The following LTBP1 variants were observed in gnomAD, a reference collection of about 807,000 sequenced individuals.
LTBP1 encodes latent-transforming growth factor beta-binding protein 1.
A neutral mutation model predicts 207.6 loss-of-function variants in LTBP1; 129 were observed. The observed-to-expected ratio is 0.62, with a 90% CI of 0.54 to 0.72. LTBP1 has a LOEUF of 0.72. Ranked by LOEUF, LTBP1 falls within the 30% of genes least tolerant of loss-of-function variation. The probability of loss-of-function intolerance (pLI) is 0.00; values close to 1 mark genes in which losing one functional copy is unlikely to be tolerated. For missense variants in LTBP1, 2,281 were observed against 2,217.2 expected (o/e 1.03, Z -0.58); for synonymous variants, 963 against 833.7 (o/e 1.16, Z -2.67).
chr2:33,295,230 T>C (rs938049955), intron 20 of LTBP1, among the ~76,000 whole-genome samples: 1 of 152,138 alleles, frequency 6.6e-6, no homozygotes, highest in Non-Finnish European at 1.5e-5. Context: ...ACGAACTCTT[T>C]ATATATGTAA....
intron 18 of LTBP1, among the ~76,000 whole-genome samples, chr2:33,278,318 C>G (rs3769542): frequency 0.4 from 61,452 of 152,012 alleles, 13,353 homozygotes; most frequent in Admixed American, 0.47. Context: ...AGCGTTCCCT[C>G]AGTAAATAAT....
Position 33,365,392 on chromosome 2 carries a change from T to C in LTBP1, c.4600T>C (p.Tyr1534His). The C allele has an allele frequency of 6.2e-7, 1 of 1,614,210 alleles. No homozygotes were observed. The highest frequency in any genetic ancestry group is 8.5e-7 in the Non-Finnish European group (1 of 1,180,028). The change falls in exon 31 of 34, where the codon TAC (tyrosine) becomes CAC (histidine). Residue 1534 changes from tyrosine to histidine, a missense_variant. Coordinates refer to ENST00000404816, the MANE Select transcript of LTBP1 (RefSeq NM_206943.4). ...DLCWEHLSDE[Y>H]VCSRPLVGKQ... is the part of the protein sequence containing the mutation. ...GTGCTGGGAACATCTGAGTGATGAATACGTGTGTAGCCGGCCTCTTGTGGG... is the reference window on the plus strand; with the variant it reads ...GTGCTGGGAACATCTGAGTGATGAACACGTGTGTAGCCGGCCTCTTGTGGG...
At chr2:33,227,738 A>T (rs766895762) in intron 9 of LTBP1, among the ~76,000 whole-genome samples, 1 of 150,780 alleles carries the variant, frequency 6.6e-6, no homozygotes, top group Non-Finnish European at 1.5e-5. Context: ...CCCAATTTTT[A>T]AAAAATAGAT....
chr2:33,389,440 T>G, intron 32 of LTBP1, 134 bp downstream of exon 32: 2 of 1,222,108 alleles, frequency 1.6e-6, no homozygotes, highest in Non-Finnish European at 2.3e-6. Context: ...TCAGAAAGTC[T>G]AGGGTGGGAC....
chr2:33,007,992 A>G (rs1251516110), intron 2 of LTBP1, among the ~76,000 whole-genome samples: 3 of 152,192 alleles, frequency 2.0e-5, no homozygotes, highest in East Asian at 1.9e-4. Flanking sequence ...TTTAGCCACT[A>G]TATGACACTC....
At chr2:33,227,799 C>CTTTT (rs10548945) in intron 9 of LTBP1, among the ~76,000 whole-genome samples, 1 of 53,346 alleles carries the variant, frequency 1.9e-5, no homozygotes, top group Non-Finnish European at 3.3e-5. Context: ...ATAAGAAGCT[C>CTTTT]TTTTTTTTTT....
At chr2:33,362,685 A>T (rs2150060689) in intron 28 of LTBP1, among the ~76,000 whole-genome samples, 1 of 152,328 alleles carries the variant, frequency 6.6e-6, no homozygotes, top group East Asian at 1.9e-4. Flanking sequence ...TTGTAAAATG[A>T]GGACTAGATG....
intron 2 of LTBP1, among the ~76,000 whole-genome samples, chr2:33,012,284 G>T (rs564169960): frequency 4.6e-5 from 7 of 152,112 alleles, no homozygotes; most frequent in African/African-American, 1.7e-4. Context: ...GGGTGGGGGG[G>T]GCTTCACACT....
intron 10 of LTBP1, among the ~76,000 whole-genome samples, chr2:33,249,368 T>C (rs1035412392): frequency 4.4e-4 from 44 of 100,914 alleles, no homozygotes; most frequent in South Asian, 9.9e-4. Flanking sequence ...CACACACACA[T>C]TTACAACCTC....
chr2:33,341,677 C>G (rs1018727271), intron 24 of LTBP1, among the ~76,000 whole-genome samples: 1 of 140,104 alleles, frequency 7.1e-6, no homozygotes, highest in Non-Finnish European at 1.5e-5. Context: ...CGCCACTGCA[C>G]TCCAGCCTGG....
chr2:33,311,340 A>G (rs985037281), intron 23 of LTBP1, among the ~76,000 whole-genome samples: 23 of 152,208 alleles, frequency 1.5e-4, no homozygotes, highest in African/African-American at 5.5e-4. Context: ...CTCATTTGAG[A>G]TCATGTATTT....
chr2:32,978,986 G>A (rs13385475), intron 2 of LTBP1, among the ~76,000 whole-genome samples: 4,759 of 151,742 alleles, frequency 0.031, 245 homozygotes, highest in African/African-American at 0.11. Context: ...TAATTTATTG[G>A]CATATAGTTG....
rs57043920 is a variant in LTBP1, at chr2:33,385,317, C to T, written c.4712-3867C>T. On this transcript the variant is annotated intron_variant, in intron 31 of 33. Transcript: ENST00000404816. ...TGGACCGTTCTTCCATTGCTCTTTA[C>T]TGCACAATTATTTGCCTGTTGATCA... Among the ~76,000 whole-genome samples the T allele has an allele frequency of 9.7e-3, 1,480 of 152,268 alleles. 30 individuals are homozygous for T. Among genetic ancestry groups the T allele is most frequent in the African/African-American group, 0.034 (1,393 of 41,554 alleles).
intron 3 of LTBP1, among the ~76,000 whole-genome samples, chr2:33,082,463 T>G (rs2078489353): frequency 4.3e-5 from 2 of 46,690 alleles, no homozygotes; most frequent in Middle Eastern, 0.034. Context: ...TTTTTTTTTT[T>G]TTTGAGAAGG....
At chr2:33,275,513 T>C (rs192843664) in intron 17 of LTBP1, among the ~76,000 whole-genome samples, 2,924 of 152,096 alleles carry the variant, frequency 0.019, 36 homozygotes, top group Middle Eastern at 0.085. Context: ...GGAGAAACCC[T>C]GTCTCTACTA....
chr2:33,236,468 G>A (rs1274576253), intron 9 of LTBP1, among the ~76,000 whole-genome samples: 1 of 152,258 alleles, frequency 6.6e-6, no homozygotes, highest in South Asian at 2.1e-4. Flanking sequence ...CCCTATTTCA[G>A]CATTTGCAAA....
chr2:33,251,609 G>T (rs2092686280), intron 10 of LTBP1, among the ~76,000 whole-genome samples: 2 of 146,322 alleles, frequency 1.4e-5, no homozygotes, highest in African/African-American at 5.1e-5. Context: ...AGCTTGCAGT[G>T]AGCTGAGATC....
intron 23 of LTBP1, among the ~76,000 whole-genome samples, chr2:33,311,535 G>A (rs1242150766): frequency 1.4e-4 from 19 of 138,342 alleles, no homozygotes; most frequent in South Asian, 2.3e-4. Flanking sequence ...CCAAGAGATG[G>A]AAAAAAAAAA....
At chr2:32,965,280 C>G (rs1468862979) in intron 2 of LTBP1, among the ~76,000 whole-genome samples, 2 of 152,190 alleles carry the variant, frequency 1.3e-5, no homozygotes, top group Non-Finnish European at 2.9e-5. Flanking sequence ...CACACAACCT[C>G]TCCCACCATC....
Sources: gnomAD v4.1 joint callset for allele counts (sites outside exome capture counted in the v4.1 genomes callset) on GRCh38, gnomAD v4.1.1 for gene constraint, MANE v1.5 for transcripts, NCBI Gene and HGNC (gene_info 2026-07-23, HGNC 2026-07-21) for gene names.